The following VAV3 variants were observed in gnomAD, a reference collection of about 807,000 sequenced individuals.
The protein encoded by VAV3 is guanine nucleotide exchange factor VAV3.
In VAV3, 94 loss-of-function variants were observed where a neutral mutation model predicts 131.2. The observed-to-expected ratio is 0.72, with a 90% CI of 0.61 to 0.85. The LOEUF is 0.85. Ranked by LOEUF, VAV3 falls within the 40% of genes least tolerant of loss-of-function variation. VAV3 has a pLI of 0.00. For missense variants in VAV3, 939 were observed against 1,002.7 expected, an observed-to-expected ratio of 0.94 and a Z score of 0.86; for synonymous variants, 349 against 342.0, an observed-to-expected ratio of 1.02 and a Z score of -0.22.
At chr1:107,781,206 C>A (rs1665667019) in intron 2 of VAV3, among the ~76,000 whole-genome samples, 1 of 152,108 alleles carries the variant, frequency 6.6e-6, no homozygotes, top group Admixed American at 6.5e-5. Flanking sequence ...CAGATAATAG[C>A]TAACTGCTTC....
chr1:107,948,098 C>A (rs2101319111), intron 1 of VAV3, among the ~76,000 whole-genome samples: 1 of 152,280 alleles, frequency 6.6e-6, no homozygotes, highest in Non-Finnish European at 1.5e-5. Context: ...CTCCTTTAAG[C>A]ATCAGATCTT....
At chr1:107,590,840 C>T (rs1558071084) in intron 25 of VAV3, among the ~76,000 whole-genome samples, 2 of 152,144 alleles carry the variant, frequency 1.3e-5, no homozygotes, top group African/African-American at 4.8e-5. Flanking sequence ...GCATGCTTAT[C>T]CCTCTCACGG....
At chr1:107,727,698 T>C (rs1252443294) in intron 15 of VAV3, among the ~76,000 whole-genome samples, 1 of 152,218 alleles carries the variant, frequency 6.6e-6, no homozygotes, top group Non-Finnish European at 1.5e-5. Context: ...TATAAGCCTA[T>C]GGGATTTAGC....
At chr1:107,837,203 A>T (rs146407755) in intron 2 of VAV3, among the ~76,000 whole-genome samples, 191 of 152,332 alleles carry the variant, frequency 1.3e-3, no homozygotes, top group African/African-American at 4.2e-3. Flanking sequence ...CTAGAAGCAC[A>T]TCAAAAAGTT....
At position 107,964,913 on chromosome 1, in the gene VAV3, G is replaced by A. The variant is rs2101434745; in HGVS notation, c.-44C>T. The A allele has an allele frequency of 8.3e-7, 1 of 1,210,932 alleles. No individual in the cohort carries two copies. The highest frequency in any genetic ancestry group is 1.0e-6 in the Non-Finnish European group (1 of 972,596). 75.0% of individuals were successfully genotyped at this position (1,210,932 alleles called of 1,614,324 possible). ...GCGGCTGGGCCGGGGCGGGCGGCAA[G>A]GATGCGGCCGCCGCCGCCGCCGCCG... On this transcript the variant is annotated 5_prime_UTR_variant, in exon 1 of 27. Coordinates refer to ENST00000370056, the MANE Select transcript of VAV3 (RefSeq NM_006113.5).
At chr1:107,703,380 G>A (rs576443642) in intron 17 of VAV3, among the ~76,000 whole-genome samples, 4 of 152,170 alleles carry the variant, frequency 2.6e-5, no homozygotes, top group East Asian at 3.9e-4. Flanking sequence ...TAAGCAATCC[G>A]ACCCCCATCA....
chr1:107,943,856 A>G (rs899577178), intron 1 of VAV3, among the ~76,000 whole-genome samples: 1 of 152,338 alleles, frequency 6.6e-6, no homozygotes. Context: ...AAATGACTAA[A>G]AATGTCAAAC....
chr1:107,664,393 C>T (rs747534408), intron 19 of VAV3, among the ~76,000 whole-genome samples: 17 of 152,016 alleles, frequency 1.1e-4, no homozygotes, highest in Non-Finnish European at 2.4e-4. Flanking sequence ...CTCGCCACTG[C>T]CATGTGTCCA....
intron 20 of VAV3, among the ~76,000 whole-genome samples, chr1:107,639,264 G>A (rs1313941159): frequency 6.6e-6 from 1 of 151,916 alleles, no homozygotes; most frequent in Non-Finnish European, 1.5e-5. Context: ...CTTTGGGGTA[G>A]GCAAAGATTT....
intron 1 of VAV3, among the ~76,000 whole-genome samples, chr1:107,921,445 G>T (rs1193943533): frequency 1.3e-5 from 2 of 152,218 alleles, no homozygotes; most frequent in Non-Finnish European, 2.9e-5. Flanking sequence ...TTGTAAGAAG[G>T]TTCCTGGTGA....
chr1:107,935,357 A>G (rs1673655109), intron 1 of VAV3, among the ~76,000 whole-genome samples: 1 of 152,234 alleles, frequency 6.6e-6, no homozygotes, highest in Admixed American at 6.5e-5. Context: ...ATTCACAGTG[A>G]TAAGGTATAT....
chr1:107,960,440 T>G lies in VAV3; in HGVS notation c.204+4226A>C, dbSNP rs1675029545. Among the ~76,000 whole-genome samples the G allele has an allele frequency of 2.0e-5, 3 of 151,298 alleles. No individual in the cohort carries two copies. The South Asian group carries it at 6.3e-4, about 32-fold the overall frequency. ...GAGATCAGGCCACTGCACGCCAACT[T>G]GGGCTACACAGTAAGACTCCGTCTC... On this transcript the variant is annotated intron_variant, in intron 1 of 26. Transcript: ENST00000370056.
At chr1:107,656,112 A>G (rs1276637774) in intron 19 of VAV3, among the ~76,000 whole-genome samples, 1 of 152,210 alleles carries the variant, frequency 6.6e-6, no homozygotes, top group Non-Finnish European at 1.5e-5. Flanking sequence ...ATATAGCCAA[A>G]AGAAAGGAAA....
At chr1:107,707,028 A>T (rs1479201552) in intron 15 of VAV3, among the ~76,000 whole-genome samples, 1 of 152,190 alleles carries the variant, frequency 6.6e-6, no homozygotes, top group Non-Finnish European at 1.5e-5. Flanking sequence ...GAAAATAAAC[A>T]ACTGAAAGGG....
At chr1:107,753,549 T>TATATATATATATATACACACACACAC (rs771773884) in intron 12 of VAV3, among the ~76,000 whole-genome samples, 9 of 81,988 alleles carry the variant, frequency 1.1e-4, no homozygotes, top group South Asian at 3.1e-4. Context: ...TATATATATA[T>TATATATATATATATACACACACACAC]ACACACACAC....
intron 25 of VAV3, among the ~76,000 whole-genome samples, chr1:107,578,264 T>C (rs929264103): frequency 6.6e-6 from 1 of 152,248 alleles, no homozygotes; most frequent in Non-Finnish European, 1.5e-5. Context: ...TATACTCTTG[T>C]TGATAATCAA....
At chr1:107,906,135 T>C (rs902469709) in intron 1 of VAV3, among the ~76,000 whole-genome samples, 1 of 152,208 alleles carries the variant, frequency 6.6e-6, no homozygotes, top group African/African-American at 2.4e-5. Context: ...GCAGATCCAC[T>C]GATGAGCCCC....
chr1:107,933,208 T>C (rs1673531878), intron 1 of VAV3, among the ~76,000 whole-genome samples: 1 of 152,182 alleles, frequency 6.6e-6, no homozygotes, highest in African/African-American at 2.4e-5. Context: ...TTTATTGTCT[T>C]GTTTTGCTTA....
At chr1:107,675,746 G>A (rs1391595628) in intron 19 of VAV3, among the ~76,000 whole-genome samples, 4 of 152,020 alleles carry the variant, frequency 2.6e-5, no homozygotes, top group East Asian at 1.9e-4. Context: ...TCTCTAATCC[G>A]ATAAACCAAT....
Sources: allele counts gnomAD v4.1 joint callset (sites outside exome capture counted in the v4.1 genomes callset), GRCh38; gene constraint gnomAD v4.1.1; transcripts MANE v1.5; gene names NCBI Gene and HGNC (gene_info 2026-07-23, HGNC 2026-07-21).